Variants in RAB7A observed in about 807,000 individuals in gnomAD.
RAB7A encodes ras-related protein Rab-7a.
RAB7A carries 2 observed loss-of-function variants against 24.5 expected under a neutral mutation model. The ratio of observed to expected loss-of-function variants is 0.08; its 90% CI spans 0.03 to 0.26. RAB7A has a LOEUF of 0.26. RAB7A is among the 10% of genes least tolerant of loss of function. The probability of loss-of-function intolerance (pLI) is 1.00; values close to 1 mark genes in which losing one functional copy is unlikely to be tolerated. For missense variants in RAB7A, 118 were observed against 255.7 expected, an observed-to-expected ratio of 0.46 and a Z score of 3.67; for synonymous variants, 100 against 95.9, an observed-to-expected ratio of 1.04 and a Z score of -0.25.
intron 1 of RAB7A, among the ~76,000 whole-genome samples, chr3:128,739,874 G>A (rs897118871): frequency 6.6e-6 from 1 of 152,012 alleles, no homozygotes; most frequent in East Asian, 1.9e-4. Context: ...GAAGACCAGC[G>A]TGACCAACAT....
rs1199213368 is a variant in RAB7A at position 128,740,345 on chromosome 3, C to T, written c.-9+13986C>T. ...GCCGTGAGCCGAGATGGCGCCACTG[C>T]ACTCCAGCCTGGCAACAGAGAAAGA... On this transcript the variant is annotated intron_variant, in intron 1 of 5. Transcript: ENST00000265062. Among the ~76,000 whole-genome samples the T allele has an allele frequency of 5.3e-5, 8 of 152,364 alleles. No homozygotes were observed. In the East Asian group the frequency reaches 1.5e-3, roughly 29 times the overall value.
At chr3:128,766,384 A>G (rs2070831564) in intron 1 of RAB7A, among the ~76,000 whole-genome samples, 4 of 152,242 alleles carry the variant, frequency 2.6e-5, no homozygotes, top group Admixed American at 2.6e-4. Context: ...GTCCTGGGTA[A>G]CCACCGTCAT....
intron 1 of RAB7A, among the ~76,000 whole-genome samples, chr3:128,790,904 A>AAACAAC (rs570851684): frequency 1.3e-5 from 2 of 152,066 alleles, no homozygotes; most frequent in Admixed American, 1.3e-4. Context: ...CCCACCTCAA[A>AAACAAC]AACAACAACA....
At chr3:128,804,104 A>T (rs1443093748) in intron 3 of RAB7A, among the ~76,000 whole-genome samples, 1 of 148,598 alleles carries the variant, frequency 6.7e-6, no homozygotes, top group African/African-American at 2.5e-5. Flanking sequence ...GGGGCTAGGG[A>T]CCTCCCTGGG....
intron 1 of RAB7A, among the ~76,000 whole-genome samples, chr3:128,758,779 G>T (rs561970338): frequency 6.6e-6 from 1 of 152,122 alleles, no homozygotes; most frequent in Admixed American, 6.5e-5. Context: ...ACTCTTGAGG[G>T]TTCCTTGAAC....
chr3:128,765,198 ACT>A (rs2070818593), intron 1 of RAB7A, among the ~76,000 whole-genome samples: 1 of 151,734 alleles, frequency 6.6e-6, no homozygotes, highest in African/African-American at 2.4e-5. Context: ...AACCCCGACG[ACT>A]CTCGGCGAAG....
chr3:128,765,918 C>G (rs1343042371), intron 1 of RAB7A, among the ~76,000 whole-genome samples: 1 of 152,130 alleles, frequency 6.6e-6, no homozygotes, highest in East Asian at 1.9e-4. Flanking sequence ...CATGCCACCA[C>G]TCTGGGCTAA....
rs1014834568 is a variant in RAB7A, at chr3:128,813,960, C to G, written c.*538C>G. On this transcript the variant is annotated 3_prime_UTR_variant, in exon 6 of 6. Transcript: ENST00000265062. ...TGATCAGGCTGAGTTTTGTATGTAT[C>G]TATCTGTTAATGCTTGTTACTTTTA... 5.7e-6 allele frequency: 1 copy of G among 175,132 alleles called. No homozygotes were observed. The highest frequency in any genetic ancestry group is 1.3e-5 in the Non-Finnish European group (1 of 79,660). The allele number at this position is 175,132 out of a possible 1,614,324, so 10.8% of individuals were successfully genotyped here.
At chr3:128,802,504 T>C (rs899036112) in intron 3 of RAB7A, among the ~76,000 whole-genome samples, 6 of 152,252 alleles carry the variant, frequency 3.9e-5, no homozygotes, top group African/African-American at 1.4e-4. Flanking sequence ...TATTTATGTA[T>C]GTATGTATTT....
intron 1 of RAB7A, among the ~76,000 whole-genome samples, chr3:128,744,876 C>CTTTTTTTTTTTTTT (rs1242538121): frequency 7.2e-6 from 1 of 139,380 alleles, no homozygotes; most frequent in Non-Finnish European, 1.6e-5. Flanking sequence ...TTTTCTTTTT[C>CTTTTTTTTTTTTTT]TTTTTTTTTT....
At chr3:128,741,562 G>T (rs995410219) in intron 1 of RAB7A, among the ~76,000 whole-genome samples, 1 of 151,080 alleles carries the variant, frequency 6.6e-6, no homozygotes, top group Admixed American at 6.6e-5. Flanking sequence ...ATTTATTTAC[G>T]AAATAGAGAT....
intron 3 of RAB7A, among the ~76,000 whole-genome samples, chr3:128,802,524 T>C (rs1453028845): frequency 1.3e-5 from 2 of 152,184 alleles, no homozygotes; most frequent in African/African-American, 4.8e-5. Flanking sequence ...TATTTATTTA[T>C]TTTTGAGATG....
chr3:128,735,870 G>A (rs2070485860), intron 1 of RAB7A, among the ~76,000 whole-genome samples: 1 of 152,292 alleles, frequency 6.6e-6, no homozygotes, highest in Non-Finnish European at 1.5e-5. Flanking sequence ...AAAAAGGCAG[G>A]AATCATCCTG....
At chr3:128,775,346 G>A (rs940521190) in intron 1 of RAB7A, among the ~76,000 whole-genome samples, 9 of 152,114 alleles carry the variant, frequency 5.9e-5, no homozygotes, top group Admixed American at 3.3e-4. Flanking sequence ...TCTGTCTTCC[G>A]TTAGTCTCCA....
intron 1 of RAB7A, among the ~76,000 whole-genome samples, chr3:128,775,389 T>A (rs1933064561): frequency 1.3e-5 from 2 of 152,328 alleles, no homozygotes; most frequent in South Asian, 4.1e-4. Context: ...GAGGACACAT[T>A]TGCCTTTCAC....
At chr3:128,796,219 G>A (rs1045949389) in intron 2 of RAB7A, among the ~76,000 whole-genome samples, 2 of 152,256 alleles carry the variant, frequency 1.3e-5, no homozygotes, top group Middle Eastern at 3.4e-3. Flanking sequence ...GGTTGGGTGA[G>A]GTGGCTTATG....
intron 1 of RAB7A, among the ~76,000 whole-genome samples, chr3:128,758,819 C>T (rs1028135350): frequency 3.3e-5 from 5 of 152,218 alleles, no homozygotes; most frequent in African/African-American, 4.8e-5. Context: ...GGATTGCTCT[C>T]GGCCATCCCA....
intron 1 of RAB7A, among the ~76,000 whole-genome samples, chr3:128,767,367 A>C (rs555059221): frequency 6.6e-6 from 1 of 152,202 alleles, no homozygotes; most frequent in Non-Finnish European, 1.5e-5. Context: ...ATATGGAGCC[A>C]AGCTCTTGGA....
At chr3:128,753,372 GA>G (rs145856193) in intron 1 of RAB7A, among the ~76,000 whole-genome samples, 15,208 of 149,988 alleles carry the variant, frequency 0.1, 810 homozygotes, top group South Asian at 0.17. Context: ...GAAGGGGGGG[GA>G]AAAAGAATGT....
Sources: gnomAD v4.1 joint callset for allele counts (sites outside exome capture counted in the v4.1 genomes callset) on GRCh38, gnomAD v4.1.1 for gene constraint, MANE v1.5 for transcripts, NCBI Gene and HGNC (gene_info 2026-07-23, HGNC 2026-07-21) for gene names.